ZNF236: variants seen among roughly 807,000 people sequenced by gnomAD.
ZNF236 encodes the protein zinc finger protein 236, also known as regulated by glucose.
ZNF236 carries 50 observed loss-of-function variants against 191.2 expected under a neutral mutation model. The ratio of observed to expected loss-of-function variants is 0.26; its 90% CI spans 0.21 to 0.33. The LOEUF is 0.33. Ranked by LOEUF, ZNF236 falls within the 10% of genes least tolerant of loss-of-function variation. The probability of loss-of-function intolerance (pLI) is 1.00; values close to 1 mark genes in which losing one functional copy is unlikely to be tolerated. For synonymous variants in ZNF236, 907 were observed against 928.8 expected (o/e 0.98, Z 0.43); for missense variants, 1,754 against 2,374.5 (o/e 0.74, Z 5.43).
rs1463071537 is a variant in ZNF236, at chr18:76,889,805, A to G, written c.1418-5208A>G. Among the ~76,000 whole-genome samples, 3 of 152,338 alleles carry G rather than the reference A, an allele frequency of 2.0e-5. No individual in the cohort carries two copies. In the East Asian group the frequency reaches 5.8e-4, roughly 29 times the overall value. ...GAGGGGTCTTCTGCCACCCCTCCCC[A>G]GGGAAGCGCACCACTACTGTCTTCT... On this transcript the variant is annotated intron_variant, in intron 9 of 30. Transcript: ENST00000320610.
chr18:76,921,136 G>C (rs1298629557), intron 20 of ZNF236, among the ~76,000 whole-genome samples: 2 of 152,236 alleles, frequency 1.3e-5, no homozygotes, highest in Non-Finnish European at 2.9e-5. Flanking sequence ...TCAAGGAGCT[G>C]TTGGGTTGGC....
chr18:76,879,787 C>T (rs951555329), intron 7 of ZNF236, among the ~76,000 whole-genome samples: 1 of 152,062 alleles, frequency 6.6e-6, no homozygotes. Flanking sequence ...ATTTGTGTAA[C>T]TTGATATTTT....
rs771478534 is a variant in ZNF236, at chr18:76,878,412, G to T, written c.984+260G>T. The stretch of plus-strand genomic sequence containing the variant: ...AATTTGTGAAATGATGATTTCTACA[G>T]TGTTATTGATGATTATTGAATATTC... On this transcript the variant is annotated intron_variant, in intron 7 of 30. Transcript: ENST00000320610. Among the ~76,000 whole-genome samples, 11 of 152,254 alleles carry T rather than the reference G, an allele frequency of 7.2e-5. No individual in the cohort carries two copies. The South Asian group carries it at 2.1e-3, about 29-fold the overall frequency.
At chr18:76,867,360 A>G (rs1384136223) in intron 3 of ZNF236, among the ~76,000 whole-genome samples, 2 of 152,112 alleles carry the variant, frequency 1.3e-5, no homozygotes, top group African/African-American at 4.8e-5. Flanking sequence ...TTATACAATA[A>G]TACTACTTTA....
chr18:76,822,847 G>A (rs967034525), intron 1 of ZNF236, among the ~76,000 whole-genome samples, 185 bp downstream of exon 1: 33 of 146,828 alleles, frequency 2.2e-4, no homozygotes, highest in African/African-American at 7.6e-4. Context: ...AATGATACGG[G>A]CGAGTCGCCG....
intron 3 of ZNF236, among the ~76,000 whole-genome samples, chr18:76,863,192 C>G (rs1197487420): frequency 6.6e-6 from 1 of 152,044 alleles, no homozygotes; most frequent in Non-Finnish European, 1.5e-5. Context: ...TTAACAGGGC[C>G]TCAGGGAACT....
chr18:76,927,040 G>A lies in ZNF236; in HGVS notation c.4031G>A (p.Gly1344Glu). The A allele has an allele frequency of 6.2e-7, 1 of 1,609,362 alleles. No homozygotes were observed. The highest frequency in any genetic ancestry group is 8.5e-7 in the Non-Finnish European group (1 of 1,176,268). ...CTCTTTCTCTTTCTCTGGCCAGCTG[G>A]GGGTGACCTGACCGTGTCTCTGACA... The part of the protein sequence containing the change: ...QAILPASVSA[G>E]GDLTVSLTDG... Residue 1344 changes from glycine to glutamate, a missense_variant, in exon 23 of 31, where the codon GGG becomes GAG. By Grantham distance (98) the Gly-to-Glu change is moderately conservative (BLOSUM62 -2). Coordinates refer to ENST00000320610, the MANE Select transcript of ZNF236 (RefSeq NM_001306089.2). The surrounding 1 kb of genome is among the most constrained non-coding windows in gnomAD (Gnocchi z 5.4).
chr18:76,960,086 A>G lies in ZNF236; in HGVS notation c.5242+270A>G, dbSNP rs1968625418. The stretch of plus-strand genomic sequence containing the variant: ...CCGTGTCTGGGATGTTGACCATGTC[A>G]CGTCCCTCCTTCCCTTCTGCTGGAG... On this transcript the variant is annotated intron_variant, in intron 29 of 30. Coordinates refer to ENST00000320610, the MANE Select transcript of ZNF236 (RefSeq NM_001306089.2). The surrounding 1 kb of genome is among the most constrained non-coding windows in gnomAD (Gnocchi z 4.4). 6.6e-6 allele frequency among the ~76,000 whole-genome samples: 1 copy of G among 152,308 alleles called. No individual in the cohort carries two copies. The highest frequency in any genetic ancestry group is 2.1e-4 in the South Asian group (1 of 4,822).
intron 1 of ZNF236, among the ~76,000 whole-genome samples, chr18:76,843,532 C>CAGGGAAGAAGG (rs1555685711): frequency 2.0e-5 from 3 of 150,612 alleles, no homozygotes; most frequent in East Asian, 2.0e-4. Context: ...AATCCCAGCA[C>CAGGGAAGAAGG]TTTGGGAGGC....
chr18:76,841,779 T>C (rs1023857752), intron 1 of ZNF236, among the ~76,000 whole-genome samples: 1 of 148,668 alleles, frequency 6.7e-6, no homozygotes, highest in African/African-American at 2.5e-5. Context: ...CTGCAACCTC[T>C]ACCTCCCAGG....
intron 30 of ZNF236, among the ~76,000 whole-genome samples, chr18:76,962,312 G>C (rs916547702): frequency 6.6e-6 from 1 of 152,082 alleles, no homozygotes; most frequent in Non-Finnish European, 1.5e-5. Flanking sequence ...GTTGAAAAGG[G>C]TGTCCTTTCC....
rs1477105740 is a variant in ZNF236, at chr18:76,922,940, G to A, written c.3558-131G>A. ...TTGTTTATGGTATTTTTTGTATGGA[G>A]TGAAGCTTAAAGTTTTTCTTGGCCA... is the stretch of plus-strand genomic sequence containing the variant. On this transcript the variant is annotated intron_variant, in intron 20 of 30. Coordinates refer to ENST00000320610, the MANE Select transcript of ZNF236 (RefSeq NM_001306089.2). 4 of 662,410 alleles carry A rather than the reference G, an allele frequency of 6.0e-6. No individual in the cohort carries two copies. The East Asian group carries it at 8.4e-5, about 14-fold the overall frequency. 41.0% of individuals were successfully genotyped at this position (662,410 alleles called of 1,614,324 possible).
chr18:76,904,976 G>T (rs1005140880), intron 12 of ZNF236, among the ~76,000 whole-genome samples, 179 bp from the exon 13 acceptor site: 1 of 152,178 alleles, frequency 6.6e-6, no homozygotes, highest in Admixed American at 6.5e-5. Flanking sequence ...GAGGCAGGTC[G>T]CTTAAGCACT....
intron 26 of ZNF236, among the ~76,000 whole-genome samples, chr18:76,937,762 A>G (rs1355546382): frequency 1.3e-5 from 2 of 152,186 alleles, no homozygotes; most frequent in African/African-American, 4.8e-5. Flanking sequence ...GGAATTTTTC[A>G]TGCCCTTAGT....
intron 4 of ZNF236, 75 bp downstream of exon 4, chr18:76,868,938 C>A: frequency 7.0e-7 from 1 of 1,424,882 alleles, no homozygotes; most frequent in Non-Finnish European, 9.4e-7. Flanking sequence ...GTACGACCCA[C>A]TGGAAATATT....
At chr18:76,830,633 A>G (rs1975145040) in intron 1 of ZNF236, among the ~76,000 whole-genome samples, 3 of 152,014 alleles carry the variant, frequency 2.0e-5, no homozygotes, top group Admixed American at 2.0e-4. Context: ...TAGCTGGTGG[A>G]GTTAAAAAAA....
intron 9 of ZNF236, among the ~76,000 whole-genome samples, chr18:76,891,712 A>ATTTTT (rs564745673): frequency 6.8e-6 from 1 of 147,172 alleles, no homozygotes; most frequent in Non-Finnish European, 1.5e-5. Context: ...CTTTGATTTA[A>ATTTTT]TTTTTTTTTT....
In ZNF236 at chr18:76,875,627, G is replaced by A; in HGVS notation, c.803G>A (p.Gly268Glu). 1 of 1,599,530 alleles carries A rather than the reference G, an allele frequency of 6.3e-7. No individual in the cohort carries two copies. The highest frequency in any genetic ancestry group is 8.5e-7 in the Non-Finnish European group (1 of 1,172,330). ...TGTCCTGCCGCCTTCTCTCAGAAAG[G>A]GAATCTTCAGTCGCACGTGCAGCGA... ...AFCPAAFSQK[G>E]NLQSHVQRVH... Residue 268 changes from glycine to glutamate, a missense_variant, in exon 6 of 31, where the codon GGG becomes GAG. Transcript: ENST00000320610. The surrounding 1 kb of genome is among the most constrained non-coding windows in gnomAD (Gnocchi z 4.3).
intron 3 of ZNF236, among the ~76,000 whole-genome samples, chr18:76,865,039 A>G (rs1372063152): frequency 6.6e-6 from 1 of 152,166 alleles, no homozygotes; most frequent in Admixed American, 6.5e-5. Flanking sequence ...AAGTACGTGA[A>G]TTAAAAGACA....
Sources: allele counts gnomAD v4.1 joint callset (sites outside exome capture counted in the v4.1 genomes callset), GRCh38; gene constraint gnomAD v4.1.1; non-coding constraint Gnocchi (gnomAD v3.1); transcripts MANE v1.5; gene names NCBI Gene and HGNC (gene_info 2026-07-23, HGNC 2026-07-21).